The following ATXN1L variants were observed in gnomAD, a reference collection of about 807,000 sequenced individuals.
ATXN1L encodes the protein ataxin-1-like.
ATXN1L carries 8 observed loss-of-function variants against 43.4 expected under a neutral mutation model. The observed-to-expected ratio is 0.18, with a 90% CI of 0.11 to 0.33. The LOEUF is 0.33. Ranked by LOEUF, ATXN1L falls within the 10% of genes least tolerant of loss-of-function variation. The probability of loss-of-function intolerance (pLI) is 1.00; values close to 1 mark genes in which losing one functional copy is unlikely to be tolerated. For missense variants in ATXN1L, 856 were observed against 885.4 expected (o/e 0.97, Z 0.42); for synonymous variants, 379 against 360.6 (o/e 1.05, Z -0.58).
rs1328787884 is a variant in ATXN1L, at chr16:71,850,268, A to G, written c.528A>G (p.Pro176=). The stretch of plus-strand genomic sequence containing the variant: ...CCTCTCACCTTCCACACTTTGTGCC[A>G]TATGCCTCACTTCTGGCTGAAGGAG... ...LATSHLPHFV[P]YASLLAEGAT... Residue 176 remains proline (P), a synonymous_variant, in exon 3 of 3, where the codon CCA becomes CCG. Coordinates refer to ENST00000427980, the MANE Select transcript of ATXN1L (RefSeq NM_001137675.4). 1.9e-6 allele frequency: 3 copies of G among 1,551,356 alleles called. No homozygotes were observed. Among genetic ancestry groups the G allele is most frequent in the Admixed American group, 2.0e-5 (1 of 50,956 alleles).
rs1049348972 is a variant in ATXN1L at position 71,851,039 on chromosome 16, C to T, written c.1299C>T (p.Gly433=). 7 of 1,551,718 alleles carry T rather than the reference C, an allele frequency of 4.5e-6. No individual in the cohort carries two copies. The highest frequency in any genetic ancestry group is 2.0e-5 in the Admixed American group (1 of 51,000). The change falls in exon 3 of 3, where the codon GGC becomes GGT. Residue 433 remains glycine, a synonymous_variant. Coordinates refer to ENST00000427980, the MANE Select transcript of ATXN1L (RefSeq NM_001137675.4). This position sits in a 1 kb window ranked among gnomAD's most constrained non-coding sequence, Gnocchi z 4.9. ...CTGACTCAGGCCTGCTGCCTGTGGGCTCGGAGATCCTGGTAGCATCAAGTC... is the reference window on the plus strand; with the variant it reads ...CTGACTCAGGCCTGCTGCCTGTGGGTTCGGAGATCCTGGTAGCATCAAGTC... ...TGTDSGLLPV[G]SEILVASSLD...
At position 71,852,008 on chromosome 16, in the gene ATXN1L, C is replaced by T; in HGVS notation, c.*198C>T. ...CCATGGCATCCTTTCAGGACAACCC[C>T]AGAGGGTGTTGTGATGGGGAGCAGC... On this transcript the variant is annotated 3_prime_UTR_variant, in exon 3 of 3. Transcript: ENST00000427980. 1 of 527,756 alleles carries T rather than the reference C, an allele frequency of 1.9e-6. No homozygotes were observed. Among genetic ancestry groups the T allele is most frequent in the Non-Finnish European group, 3.1e-6 (1 of 327,054 alleles). 32.7% of individuals were successfully genotyped at this position (527,756 alleles called of 1,614,324 possible).
chr16:71,848,188 G>T, intron 2 of ATXN1L, 117 bp downstream of exon 2: 1 of 403,826 alleles, frequency 2.5e-6, no homozygotes, highest in East Asian at 7.4e-5. Context: ...CTGGAACCTG[G>T]TTGGAAGAAA....
chr16:71,851,561 G>A lies in ATXN1L; in HGVS notation c.1821G>A (p.Arg607=). The change falls in exon 3 of 3, where the codon AGG becomes AGA. Residue 607 remains arginine, a synonymous_variant. Transcript: ENST00000427980. This position sits in a 1 kb window ranked among gnomAD's most constrained non-coding sequence, Gnocchi z 4.9. ...GCCAGCTGGGTCCCCCCCGAGAAAGGCCTGAGAGGACGGTCTTGGGATCCA... is the reference window on the plus strand; with the variant it reads ...GCCAGCTGGGTCCCCCCCGAGAAAGACCTGAGAGGACGGTCTTGGGATCCA... ...PPSQLGPPRE[R]PERTVLGSRE... 6.4e-7 allele frequency: 1 copy of A among 1,551,478 alleles called. No homozygotes were observed. The highest frequency in any genetic ancestry group is 8.7e-7 in the Non-Finnish European group (1 of 1,146,940).
At chr16:71,846,587 C>A (rs1447116593) in intron 1 of ATXN1L, among the ~76,000 whole-genome samples, 1 of 152,210 alleles carries the variant, frequency 6.6e-6, no homozygotes, top group Non-Finnish European at 1.5e-5. Flanking sequence ...GGGTTCAGCC[C>A]CTTGATTCCG....
rs1452377325 is a variant in ATXN1L, at chr16:71,854,091, G to T, written c.*2281G>T. The T allele has an allele frequency of 1.2e-5, 2 of 167,044 alleles. No homozygotes were observed. The highest frequency in any genetic ancestry group is 2.9e-5 in the Non-Finnish European group (2 of 68,130). 10.3% of individuals were successfully genotyped at this position (167,044 alleles called of 1,614,324 possible). A position where few individuals can be genotyped will look rare whatever the true frequency, so the allele number is the denominator to read the frequency against. ...TTCCTAGAGTTCATTGTTTGCATGG[G>T]TTTCTCACAAGCGTCCTTCCTCATA... On this transcript the variant is annotated 3_prime_UTR_variant, in exon 3 of 3. Transcript: ENST00000427980.
At chr16:71,846,834 T>G (rs2033448784) in intron 1 of ATXN1L, among the ~76,000 whole-genome samples, 1 of 152,060 alleles carries the variant, frequency 6.6e-6, no homozygotes, top group South Asian at 2.1e-4. Context: ...TTTCGGTCCC[T>G]TTACTAGCCT....
chr16:71,848,189 T>G, intron 2 of ATXN1L, 118 bp downstream of exon 2: 2 of 402,872 alleles, frequency 5.0e-6, no homozygotes, highest in Non-Finnish European at 9.9e-6. Flanking sequence ...TGGAACCTGG[T>G]TGGAAGAAAT....
chr16:71,851,910 C>T lies in ATXN1L; in HGVS notation c.*100C>T. The T allele has an allele frequency of 7.8e-7, 1 of 1,287,938 alleles. No individual in the cohort carries two copies. The highest frequency in any genetic ancestry group is 1.0e-6 in the Non-Finnish European group (1 of 989,138). The allele number at this position is 1,287,938 out of a possible 1,614,324, so 79.8% of individuals were successfully genotyped here. A position where few individuals can be genotyped will look rare whatever the true frequency, so the allele number is the denominator to read the frequency against. On this transcript the variant is annotated 3_prime_UTR_variant, in exon 3 of 3. Transcript: ENST00000427980. The surrounding 1 kb of genome is among the most constrained non-coding windows in gnomAD (Gnocchi z 4.9). ...CACACGCCGAGCAGGGAATGGCTTT[C>T]TTGGCAGTGAGATTTGGGGGAAAGG...
rs1485751303 is a variant in ATXN1L, at chr16:71,852,511, G to A, written c.*701G>A. 6.0e-6 allele frequency: 1 copy of A among 167,208 alleles called. No homozygotes were observed. Among genetic ancestry groups the A allele is most frequent in the African/African-American group, 2.4e-5 (1 of 41,462 alleles). 10.4% of individuals were successfully genotyped at this position (167,208 alleles called of 1,614,324 possible). On this transcript the variant is annotated 3_prime_UTR_variant, in exon 3 of 3. Coordinates refer to ENST00000427980, the MANE Select transcript of ATXN1L (RefSeq NM_001137675.4). Reference sequence around the variant, plus strand: ...GAGCCCCTTCAGGGTTCAGAGTGAAGTACTACCTTGCCAGGGACTCAGTCA... The same window carrying A: ...GAGCCCCTTCAGGGTTCAGAGTGAAATACTACCTTGCCAGGGACTCAGTCA...
At chr16:71,848,735 T>C (rs1211828600) in intron 2 of ATXN1L, among the ~76,000 whole-genome samples, 1 of 151,836 alleles carries the variant, frequency 6.6e-6, no homozygotes, top group East Asian at 1.9e-4. Flanking sequence ...TTTTGGCACC[T>C]AGGTCCTTGA....
rs757991869 is a variant in ATXN1L at position 71,849,929 on chromosome 16, G to A, written c.189G>A (p.Leu63=). 3 of 1,550,990 alleles carry A rather than the reference G, an allele frequency of 1.9e-6. No homozygotes were observed. The highest frequency in any genetic ancestry group is 2.4e-5 in the South Asian group (2 of 84,044). The change falls in exon 3 of 3, where the codon CTG becomes CTA. Residue 63 remains leucine, a synonymous_variant. Coordinates refer to ENST00000427980, the MANE Select transcript of ATXN1L (RefSeq NM_001137675.4). ...GCCAGGCAGGAGCCAGAGTCAGCCT[G>A]GGGGGTGATGGAGCTGAGGCCATCA... ...GQSQAGARVS[L]GGDGAEAITG... is the part of the protein sequence containing the mutation.
intron 1 of ATXN1L, among the ~76,000 whole-genome samples, chr16:71,847,062 T>C (rs12921084): frequency 0.8 from 121,599 of 152,088 alleles, 48,978 homozygotes; most frequent in East Asian, 0.98. Flanking sequence ...AGGAATTTGT[T>C]TTCCCACTGT....
rs1016272347 is a variant in ATXN1L, at chr16:71,846,091, T to C, written c.-193T>C. 9.9e-6 allele frequency: 2 copies of C among 202,214 alleles called. No homozygotes were observed. Among genetic ancestry groups the C allele is most frequent in the African/African-American group, 2.4e-5 (1 of 41,934 alleles). 12.5% of individuals were successfully genotyped at this position (202,214 alleles called of 1,614,324 possible). ...CGAGTGAGTGGATCCTGGGAAGCGC[T>C]GTGAAATGGGCTGGTGAGTGTCCCT... On this transcript the variant is annotated 5_prime_UTR_variant, in exon 1 of 3. Coordinates refer to ENST00000427980, the MANE Select transcript of ATXN1L (RefSeq NM_001137675.4).
chr16:71,850,356 T>A lies in ATXN1L; in HGVS notation c.616T>A (p.Ser206Thr). The A allele has an allele frequency of 1.9e-6, 3 of 1,551,464 alleles. No homozygotes were observed. The highest frequency in any genetic ancestry group is 2.6e-6 in the Non-Finnish European group (3 of 1,146,970). The change falls in exon 3 of 3, where the codon TCC becomes ACC. Residue 206 changes from serine (S) to threonine (T), a missense_variant. Transcript: ENST00000427980. Reference sequence around the variant, plus strand: ...ATTTAACAAAGCTCCCTCTGCCACCTCCCCATCTGGGCAATTGCCACATCA... The same window carrying A: ...ATTTAACAAAGCTCCCTCTGCCACCACCCCATCTGGGCAATTGCCACATCA... ...HSFNKAPSATSPSGQLPHHSS... is the reference protein window; with the variant it reads ...HSFNKAPSATTPSGQLPHHSS...
At chr16:71,849,069 C>T (rs749666708) in intron 2 of ATXN1L, among the ~76,000 whole-genome samples, 1 of 151,838 alleles carries the variant, frequency 6.6e-6, no homozygotes, top group African/African-American at 2.4e-5. Flanking sequence ...ACAAAGTTAG[C>T]CAGGCGTGGT....
rs1032238423 is a variant in ATXN1L at position 71,851,113 on chromosome 16, C to T, written c.1373C>T (p.Pro458Leu). 6 of 1,551,622 alleles carry T rather than the reference C, an allele frequency of 3.9e-6. No individual in the cohort carries two copies. Among genetic ancestry groups the T allele is most frequent in the South Asian group, 1.2e-5 (1 of 84,052 alleles). The change falls in exon 3 of 3, where the codon CCC (proline) becomes CTC (leucine). Residue 458 changes from proline to leucine, a missense_variant. Around this residue, in one of 7 missense-constraint regions of ATXN1L, gnomAD observed 490 missense variants for 449.4 expected, o/e 1.09. Coordinates refer to ENST00000427980, the MANE Select transcript of ATXN1L (RefSeq NM_001137675.4). The surrounding 1 kb of genome is among the most constrained non-coding windows in gnomAD (Gnocchi z 4.9). ...TTCCCAGACAAGGAGCCAACGCCGC[C>T]CCCCATTACCTCCTCTCACTTGCCT... Reference protein sequence around the residue: ...ATFPDKEPTPPPITSSHLPSH... With the variant: ...ATFPDKEPTPLPITSSHLPSH...
intron 2 of ATXN1L, among the ~76,000 whole-genome samples, chr16:71,849,138 C>G (rs1341061799): frequency 6.9e-6 from 1 of 145,492 alleles, no homozygotes; most frequent in Non-Finnish European, 1.5e-5. Context: ...TGCTTGAACC[C>G]GGGAGGCGAG....
In ATXN1L at chr16:71,853,101, A is replaced by G. The variant is rs1285180144; in HGVS notation, c.*1291A>G. 6.0e-6 allele frequency: 1 copy of G among 167,150 alleles called. No individual in the cohort carries two copies. The highest frequency in any genetic ancestry group is 1.5e-5 in the Non-Finnish European group (1 of 68,168). The allele number at this position is 167,150 out of a possible 1,614,324, so 10.4% of individuals were successfully genotyped here. ...CCTGTCTTATTCCACTGCTTCTCCCAGCATTCTGGTGCCTCCAAGCCATCC... is the reference window on the plus strand; with the variant it reads ...CCTGTCTTATTCCACTGCTTCTCCCGGCATTCTGGTGCCTCCAAGCCATCC... On this transcript the variant is annotated 3_prime_UTR_variant, in exon 3 of 3. Coordinates refer to ENST00000427980, the MANE Select transcript of ATXN1L (RefSeq NM_001137675.4).
Sources: gnomAD v4.1 joint callset for allele counts (sites outside exome capture counted in the v4.1 genomes callset) on GRCh38, gnomAD v4.1.1 for gene constraint, gnomAD v4.1.1 regional missense constraint, Gnocchi (gnomAD v3.1) non-coding constraint, MANE v1.5 for transcripts, NCBI Gene and HGNC (gene_info 2026-07-23, HGNC 2026-07-21) for gene names.